SLC17A1: variants seen among roughly 807,000 people sequenced by gnomAD.
The protein encoded by SLC17A1 is sodium-dependent phosphate transport protein 1.
SLC17A1 carries 51 observed loss-of-function variants against 53.5 expected under a neutral mutation model. The ratio of observed to expected loss-of-function variants is 0.95; its 90% CI spans 0.76 to 1.20. SLC17A1 has a LOEUF of 1.20. Ranked by LOEUF, SLC17A1 falls within the 50% of genes most tolerant of loss-of-function variation. SLC17A1 has a pLI of 0.00. For synonymous variants in SLC17A1, 179 were observed against 198.8 expected, an observed-to-expected ratio of 0.90 and a Z score of 0.84; for missense variants, 538 against 568.2, an observed-to-expected ratio of 0.95 and a Z score of 0.54.
chr6:25,819,033 G>A, intron 6 of SLC17A1, 35 bp downstream of exon 6: 1 of 1,421,280 alleles, frequency 7.0e-7, no homozygotes, highest in Admixed American at 2.3e-5. Context: ...TTTAGATTCT[G>A]AATAATAACT....
At chr6:25,792,165 T>G (rs1210401128) in intron 12 of SLC17A1, among the ~76,000 whole-genome samples, 1 of 152,194 alleles carries the variant, frequency 6.6e-6, no homozygotes, top group Non-Finnish European at 1.5e-5. Context: ...ACTTCCAGCA[T>G]TCACCTGAAC....
At chr6:25,831,151 C>G (rs765396681) in intron 1 of SLC17A1, among the ~76,000 whole-genome samples, 4 of 152,110 alleles carry the variant, frequency 2.6e-5, no homozygotes, top group Non-Finnish European at 5.9e-5. Flanking sequence ...TGCCCCTGTC[C>G]GTATCTTCAG....
the SLC17A1 span, among the ~76,000 whole-genome samples, chr6:25,763,425 C>A: frequency 6.6e-6 from 1 of 152,184 alleles, no homozygotes; most frequent in African/African-American, 2.4e-5. Context: ...AGGAATAAAC[C>A]TTGCAGAGTG....
At chr6:25,771,819 A>G in the SLC17A1 span, among the ~76,000 whole-genome samples, 118,505 of 151,990 alleles carry the variant, frequency 0.78, 48,145 homozygotes, top group East Asian at 0.95. Context: ...TGAGGTTCAG[A>G]AGTGGACATA....
chr6:25,727,337 A>G, the SLC17A1 span: 1 of 1,520,014 alleles, frequency 6.6e-7, no homozygotes, highest in South Asian at 1.3e-5. Context: ...CTCTTTTCAG[A>G]GCCACTTAAA....
chr6:25,769,159 G>A, the SLC17A1 span: 1 of 1,613,924 alleles, frequency 6.2e-7, no homozygotes, highest in Middle Eastern at 1.7e-4. Context: ...CAGGGCTACT[G>A]GAATGAAACT....
the SLC17A1 span, among the ~76,000 whole-genome samples, chr6:25,734,631 A>C: frequency 6.6e-6 from 1 of 152,252 alleles, no homozygotes; most frequent in Non-Finnish European, 1.5e-5. Flanking sequence ...AAAAGTTAAC[A>C]GTGATAAACC....
the SLC17A1 span, chr6:25,773,265 C>A: frequency 6.2e-7 from 1 of 1,609,430 alleles, no homozygotes; most frequent in Non-Finnish European, 8.5e-7. Flanking sequence ...ACTGGATCCC[C>A]TTTTCCTAGG....
At chr6:25,727,155 G>A in the SLC17A1 span, 1 of 1,614,118 alleles carries the variant, frequency 6.2e-7, no homozygotes. Context: ...ATCACGTTTG[G>A]CTCACTACAG....
At chr6:25,814,611 C>T (rs1400754968) in intron 6 of SLC17A1, among the ~76,000 whole-genome samples, 1 of 151,866 alleles carries the variant, frequency 6.6e-6, no homozygotes, top group Non-Finnish European at 1.5e-5. Context: ...TAGACATGAC[C>T]AAGAAAAAAT....
At chr6:25,746,695 A>G in the SLC17A1 span, among the ~76,000 whole-genome samples, 4 of 152,196 alleles carry the variant, frequency 2.6e-5, no homozygotes, top group African/African-American at 9.6e-5. Context: ...ACAGTATCAT[A>G]CTTTTGGATG....
chr6:25,744,297 G>A, the SLC17A1 span, among the ~76,000 whole-genome samples: 1 of 152,200 alleles, frequency 6.6e-6, no homozygotes, highest in African/African-American at 2.4e-5. Flanking sequence ...CATCAGTGTG[G>A]ATGGATTGCA....
the SLC17A1 span, chr6:25,770,278 G>A: frequency 2.2e-5 from 35 of 1,613,904 alleles, no homozygotes; most frequent in East Asian, 8.9e-5. Flanking sequence ...ATTGTCCTCC[G>A]GATTGTACAA....
chr6:25,762,086 A>T, the SLC17A1 span: 1 of 1,579,572 alleles, frequency 6.3e-7, no homozygotes, highest in Non-Finnish European at 8.7e-7. Context: ...GGTAGTAAAT[A>T]AAACTAGGAT....
At chr6:25,744,710 G>T in the SLC17A1 span, among the ~76,000 whole-genome samples, 1 of 151,970 alleles carries the variant, frequency 6.6e-6, no homozygotes, top group African/African-American at 2.4e-5. Context: ...ATAATGTGTG[G>T]GTAGCTGGAA....
At chr6:25,811,265 A>T in intron 10 of SLC17A1, 133 bp downstream of exon 10, 1 of 906,276 alleles carries the variant, frequency 1.1e-6, no homozygotes, top group Non-Finnish European at 1.7e-6. Flanking sequence ...GTGTGAGGTA[A>T]TGCATATGTT....
the SLC17A1 span, among the ~76,000 whole-genome samples, chr6:25,734,620 A>G: frequency 6.6e-6 from 1 of 152,252 alleles, no homozygotes; most frequent in Non-Finnish European, 1.5e-5. Context: ...GTAGCCAATT[A>G]AAAAGTTAAC....
At chr6:25,770,870 CAT>C in the SLC17A1 span, 1 of 1,359,902 alleles carries the variant, frequency 7.4e-7, no homozygotes, top group Non-Finnish European at 1.1e-6. Context: ...GTAGAAAGCA[CAT>C]AGAGCCCCAA....
At chr6:25,760,340 CT>C in the SLC17A1 span, among the ~76,000 whole-genome samples, 10 of 152,066 alleles carry the variant, frequency 6.6e-5, no homozygotes. Context: ...TGATAGAATG[CT>C]GTAATTAATT....
Sources: gnomAD v4.1 joint callset for allele counts (sites outside exome capture counted in the v4.1 genomes callset) on GRCh38, gnomAD v4.1.1 for gene constraint, MANE v1.5 for transcripts, NCBI Gene and HGNC (gene_info 2026-07-23, HGNC 2026-07-21) for gene names.